Variants in IL27RA observed in about 807,000 individuals in gnomAD.
IL27RA encodes the protein interleukin-27 receptor subunit alpha.
Under a neutral mutation model 80.8 loss-of-function variants are expected in IL27RA, and 61 were observed. The observed-to-expected ratio is 0.76, with a 90% CI of 0.61 to 0.93. The LOEUF (loss-of-function observed/expected upper bound fraction) is 0.93, where lower values mean the gene tolerates loss of function less well. Ranked by LOEUF, IL27RA falls within the 40% of genes least tolerant of loss-of-function variation. The pLI, the probability that IL27RA is intolerant of heterozygous loss-of-function variation, is 0.00. For synonymous variants in IL27RA, 316 were observed against 332.5 expected (o/e 0.95, Z 0.54); for missense variants, 735 against 808.1 (o/e 0.91, Z 1.10).
rs1331444426 is a variant in IL27RA, at chr19:14,031,802, C to G, written c.-71C>G. Reference sequence around the variant, plus strand: ...GCCGCCTCGGGCGCTGTACCCAGAGCTCGAAGAGGAGCAGCGCGGCCGCGC... The same window carrying G: ...GCCGCCTCGGGCGCTGTACCCAGAGGTCGAAGAGGAGCAGCGCGGCCGCGC... On this transcript the variant is annotated 5_prime_UTR_variant, in exon 1 of 14. Transcript: ENST00000263379. The G allele has an allele frequency of 1.4e-5, 18 of 1,323,846 alleles. No homozygotes were observed. The highest frequency in any genetic ancestry group is 6.4e-5 in the Admixed American group (3 of 46,824). 82.0% of individuals were successfully genotyped at this position (1,323,846 alleles called of 1,614,324 possible).
At chr19:14,046,663 A>T in intron 8 of IL27RA, 45 bp downstream of exon 8, 3 of 1,511,678 alleles carry the variant, frequency 2.0e-6, no homozygotes, top group Non-Finnish European at 2.7e-6. Flanking sequence ...CTGTTAGAGC[A>T]GACGGATGGG....
Position 14,053,052 on chromosome 19 carries a change from C to T in IL27RA, c.*762C>T, listed in dbSNP as rs1366211540. On this transcript the variant is annotated 3_prime_UTR_variant, in exon 14 of 14. Coordinates refer to ENST00000263379, the MANE Select transcript of IL27RA (RefSeq NM_004843.4). ...ACACGGGGTCTGGGTGGGGGCTCCC[C>T]CACATCCTTTCCTTGCCTATGAGCT... The T allele has an allele frequency of 6.6e-6, 1 of 152,372 alleles. No homozygotes were observed. The highest frequency in any genetic ancestry group is 2.4e-5 in the African/African-American group (1 of 41,460). 9.4% of individuals were successfully genotyped at this position (152,372 alleles called of 1,614,324 possible). A position where few individuals can be genotyped will look rare whatever the true frequency, so the allele number is the denominator to read the frequency against.
intron 13 of IL27RA, 46 bp from the exon 14 acceptor site, chr19:14,052,050 T>C: frequency 6.3e-7 from 1 of 1,586,348 alleles, no homozygotes; most frequent in Non-Finnish European, 8.6e-7. Context: ...GGGTGAGGTG[T>C]GGGTCGGGGA....
intron 1 of IL27RA, 126 bp from the exon 2 acceptor site, chr19:14,032,260 C>A: frequency 1.3e-6 from 1 of 788,874 alleles, no homozygotes; most frequent in Non-Finnish European, 2.1e-6. Context: ...CTAGCGCCTC[C>A]CTTCCTGCTG....
At chr19:14,047,060 T>C (rs1976078212) in intron 8 of IL27RA, among the ~76,000 whole-genome samples, 1 of 151,908 alleles carries the variant, frequency 6.6e-6, no homozygotes, top group Non-Finnish European at 1.5e-5. Context: ...TTTTGCTTTT[T>C]GGAGGCAAGA....
At chr19:14,047,955 C>T (rs940254497) in intron 8 of IL27RA, among the ~76,000 whole-genome samples, 3 of 150,954 alleles carry the variant, frequency 2.0e-5, no homozygotes, top group Admixed American at 1.3e-4. Context: ...AGCCACCGCA[C>T]CCGGCATTTT....
intron 11 of IL27RA, 29 bp downstream of exon 11, chr19:14,050,912 G>A (rs1381784958): frequency 3.1e-6 from 5 of 1,592,470 alleles, no homozygotes; most frequent in Non-Finnish European, 4.3e-6. Context: ...GATTGCCACA[G>A]GGAGGGGATG....
chr19:14,049,330 T>G lies in IL27RA; in HGVS notation c.1402+16T>G. On this transcript the variant is annotated intron_variant, in intron 10 of 13. Coordinates refer to ENST00000263379, the MANE Select transcript of IL27RA (RefSeq NM_004843.4). ...TGCATGAATGGTGAGCTTCCCTGCC[T>G]GCTGACCTGTCCTCCCAGCCCCCAC... 1.2e-6 allele frequency: 2 copies of G among 1,606,870 alleles called. No individual in the cohort carries two copies. The highest frequency in any genetic ancestry group is 4.5e-5 in the East Asian group (2 of 44,672).
Position 14,052,311 on chromosome 19 carries a change from C to CT in IL27RA, c.*22dup. The CT allele has an allele frequency of 6.8e-7, 1 of 1,464,888 alleles. No individual in the cohort carries two copies. The highest frequency in any genetic ancestry group is 1.4e-5 in the African/African-American group (1 of 70,418). 90.7% of individuals were successfully genotyped at this position (1,464,888 alleles called of 1,614,324 possible). ...CCTGAACCACACGTCTGGCTGGGGG[C>CT]TGCCAGCCAGGCTAGAGGGATGCTC... On this transcript the variant is annotated 3_prime_UTR_variant, in exon 14 of 14. Coordinates refer to ENST00000263379, the MANE Select transcript of IL27RA (RefSeq NM_004843.4).
chr19:14,038,333 A>G (rs1483653272), intron 2 of IL27RA, among the ~76,000 whole-genome samples: 1 of 151,976 alleles, frequency 6.6e-6, no homozygotes, highest in Non-Finnish European at 1.5e-5. Context: ...TTTTGTAGAC[A>G]TGGGGGTCTC....
In IL27RA at chr19:14,031,815, AGCGCGGCC is replaced by A; in HGVS notation, c.-51_-44del. On this transcript the variant is annotated 5_prime_UTR_variant, in exon 1 of 14. Transcript: ENST00000263379. ...CTGTACCCAGAGCTCGAAGAGGAGCAGCGCGGCCGCGCGGACCCGGCAAGGCTGGGCCG... is the reference window on the plus strand; with the variant it reads ...CTGTACCCAGAGCTCGAAGAGGAGCAGCGCGGACCCGGCAAGGCTGGGCCG... The A allele has an allele frequency of 2.8e-6, 4 of 1,425,644 alleles. No homozygotes were observed. The highest frequency in any genetic ancestry group is 2.5e-5 in the East Asian group (1 of 40,264). The allele number at this position is 1,425,644 out of a possible 1,614,324, so 88.3% of individuals were successfully genotyped here.
rs113040256 is a variant in IL27RA, at chr19:14,052,903, CA to C, written c.*629del. The C allele has an allele frequency of 0.11, 9,924 of 89,700 alleles. 417 individuals carry two copies. The highest frequency in any genetic ancestry group is 0.21 in the Admixed American group (1,915 of 9,224). 5.6% of individuals were successfully genotyped at this position (89,700 alleles called of 1,614,324 possible). A position where few individuals can be genotyped will look rare whatever the true frequency, so the allele number is the denominator to read the frequency against. On this transcript the variant is annotated 3_prime_UTR_variant, in exon 14 of 14. Transcript: ENST00000263379. ...CAAAAATAAACAAACTAATAAAAAG[CA>C]AAAAAAAAAAAAAAAGAAAAGAAAA... is the stretch of plus-strand genomic sequence containing the variant.
At chr19:14,039,312 C>A (rs1426424457) in intron 2 of IL27RA, among the ~76,000 whole-genome samples, 196 bp from the exon 3 acceptor site, 2 of 151,980 alleles carry the variant, frequency 1.3e-5, no homozygotes, top group Admixed American at 1.3e-4. Flanking sequence ...CTTTTATTAC[C>A]CTCATTTTGT....
rs528013222 is a variant in IL27RA at position 14,051,905 on chromosome 19, C to T, written c.1648C>T (p.Leu550=). 31 of 1,583,650 alleles carry T rather than the reference C, an allele frequency of 2.0e-5. No homozygotes were observed. The South Asian group carries it at 3.2e-4, about 16-fold the overall frequency. ...GTGCTACCACCTAAGGCACAAAGTGCTGCCCCGCTGGGTCTGGGAGAAAGT... is the reference window on the plus strand; with the variant it reads ...GTGCTACCACCTAAGGCACAAAGTGTTGCCCCGCTGGGTCTGGGAGAAAGT... The part of the protein sequence containing the change: ...GRCYHLRHKV[L]PRWVWEKVPD... The change falls in exon 13 of 14, where the codon CTG becomes TTG. Residue 550 remains leucine, a synonymous_variant. Transcript: ENST00000263379.
At chr19:14,048,894 C>T in intron 8 of IL27RA, 87 bp from the exon 9 acceptor site, 3 of 1,151,164 alleles carry the variant, frequency 2.6e-6, no homozygotes, top group Non-Finnish European at 3.9e-6. Flanking sequence ...TCAGGGTGTC[C>T]TTCTGGGGAC....
At position 14,052,314 on chromosome 19, in the gene IL27RA, C is replaced by A; in HGVS notation, c.*24C>A. ...GAACCACACGTCTGGCTGGGGGCTG[C>A]CAGCCAGGCTAGAGGGATGCTCATG... On this transcript the variant is annotated 3_prime_UTR_variant, in exon 14 of 14. Coordinates refer to ENST00000263379, the MANE Select transcript of IL27RA (RefSeq NM_004843.4). 3 of 1,460,700 alleles carry A rather than the reference C, an allele frequency of 2.1e-6. No homozygotes were observed. Among genetic ancestry groups the A allele is most frequent in the Non-Finnish European group, 2.7e-6 (3 of 1,104,648 alleles). 90.5% of individuals were successfully genotyped at this position (1,460,700 alleles called of 1,614,324 possible). A position where few individuals can be genotyped will look rare whatever the true frequency, so the allele number is the denominator to read the frequency against.
intron 10 of IL27RA, among the ~76,000 whole-genome samples, chr19:14,049,627 G>A (rs568550576): frequency 6.6e-6 from 1 of 150,418 alleles, no homozygotes; most frequent in African/African-American, 2.4e-5. Flanking sequence ...TTGTCACCAG[G>A]CTGGAGTGCA....
At chr19:14,047,824 T>G (rs1460648286) in intron 8 of IL27RA, among the ~76,000 whole-genome samples, 1 of 150,866 alleles carries the variant, frequency 6.6e-6, no homozygotes, top group Non-Finnish European at 1.5e-5. Flanking sequence ...CGGCTAATTT[T>G]TTTTTTTTTT....
intron 8 of IL27RA, among the ~76,000 whole-genome samples, chr19:14,047,488 C>T (rs926661150): frequency 4.7e-5 from 7 of 148,700 alleles, no homozygotes; most frequent in African/African-American, 1.7e-4. Flanking sequence ...TGGGGAGTGA[C>T]TGGGATCACA....
Sources: gnomAD v4.1 joint callset for allele counts (sites outside exome capture counted in the v4.1 genomes callset) on GRCh38, gnomAD v4.1.1 for gene constraint, MANE v1.5 for transcripts, NCBI Gene and HGNC (gene_info 2026-07-23, HGNC 2026-07-21) for gene names.